Variants in NAV3 observed in about 807,000 individuals in gnomAD.
NAV3 encodes the protein pore membrane and/or filament interacting like protein 1.
NAV3 carries 87 observed loss-of-function variants against 244.7 expected under a neutral mutation model. The ratio of observed to expected loss-of-function variants is 0.36; its 90% CI spans 0.30 to 0.42. The LOEUF is 0.42. Ranked by LOEUF, NAV3 falls within the 20% of genes least tolerant of loss-of-function variation. The pLI is 1.00. For synonymous variants in NAV3, 1,126 were observed against 1,042.2 expected (o/e 1.08, Z -1.55); for missense variants, 2,663 against 2,893.3 (o/e 0.92, Z 1.83).
At chr12:78,192,417 T>TTA (rs1029088332) in intron 34 of NAV3, among the ~76,000 whole-genome samples, 2 of 151,516 alleles carry the variant, frequency 1.3e-5, no homozygotes, top group Non-Finnish European at 2.9e-5. Context: ...TTATTTATTT[T>TTA]TTTTTTGAGA....
Position 78,188,658 on chromosome 12 carries a change from A to C in NAV3, c.5936A>C (p.Asp1979Ala). 6.2e-7 allele frequency: 1 copy of C among 1,612,258 alleles called. No homozygotes were observed. ...TCCACTAGCCTTGGTCTGAGCTCTGACTGCATTGCTAGCTACTGTATAGGA... is the reference window on the plus strand; with the variant it reads ...TCCACTAGCCTTGGTCTGAGCTCTGCCTGCATTGCTAGCTACTGTATAGGA... ...DTSTSLGLSS[D>A]CIASYCIGDL... The change falls in exon 33 of 40, where the codon GAC becomes GCC. Residue 1979 changes from aspartate (D) to alanine (A), a missense_variant. By Grantham distance (126) the Asp-to-Ala change is moderately radical. Coordinates refer to ENST00000397909, the MANE Select transcript of NAV3 (RefSeq NM_001024383.2).
intron 2 of NAV3, among the ~76,000 whole-genome samples, chr12:77,659,874 C>G (rs375533629): frequency 1.3e-5 from 2 of 149,550 alleles, no homozygotes; most frequent in African/African-American, 4.9e-5. Context: ...AAACCAAACA[C>G]AGCATGTTCT....
At chr12:77,698,362 A>G (rs570009908) in intron 2 of NAV3, among the ~76,000 whole-genome samples, 11 of 152,252 alleles carry the variant, frequency 7.2e-5, no homozygotes, top group South Asian at 2.1e-4. Context: ...TATTATTCCA[A>G]TTATATCACC....
chr12:78,199,704 A>G (rs1959432497), intron 37 of NAV3, among the ~76,000 whole-genome samples, 173 bp downstream of exon 37: 1 of 152,062 alleles, frequency 6.6e-6, no homozygotes, highest in Admixed American at 6.6e-5. Flanking sequence ...TCTCCAATTA[A>G]ATCCATTTTG....
chr12:78,109,728 T>A (rs555918666), intron 12 of NAV3, among the ~76,000 whole-genome samples: 21 of 151,294 alleles, frequency 1.4e-4, no homozygotes, highest in East Asian at 1.9e-4. Context: ...CAGAAAAAAA[T>A]TTTTGATAAA....
intron 12 of NAV3, among the ~76,000 whole-genome samples, chr12:78,086,353 T>C (rs1471782056): frequency 6.6e-6 from 1 of 152,118 alleles, no homozygotes; most frequent in South Asian, 2.1e-4. Flanking sequence ...GTCTGGGATA[T>C]GTATTGTTAG....
chr12:78,018,318 A>C (rs1876575805), intron 8 of NAV3, among the ~76,000 whole-genome samples: 1 of 152,192 alleles, frequency 6.6e-6, no homozygotes, highest in African/African-American at 2.4e-5. Flanking sequence ...AGCATGTCTC[A>C]GACAGGGGGA....
chr12:77,762,925 A>C (rs1869557842), intron 2 of NAV3, among the ~76,000 whole-genome samples: 1 of 152,218 alleles, frequency 6.6e-6, no homozygotes, highest in Non-Finnish European at 1.5e-5. Context: ...GTTCCTGCAC[A>C]CAATTGTAAT....
Position 78,210,465 on chromosome 12 carries a change from G to A in NAV3, c.7106G>A (p.Ser2369Asn), listed in dbSNP as rs764074467. The stretch of plus-strand genomic sequence containing the variant: ...AGCACACAAAGCTGCGACAGCGAAA[G>A]CACCAGCCACCATGAAGACATTTTG... Reference protein sequence around the residue: ...YSSTQSCDSESTSHHEDILDS... With the variant: ...YSSTQSCDSENTSHHEDILDS... The change falls in exon 40 of 40, where the codon AGC becomes AAC. Residue 2369 changes from serine (S) to asparagine (N), a missense_variant. By Grantham distance (46) the Ser-to-Asn change is conservative (BLOSUM62 1). Around this residue, in one of 6 missense-constraint regions of NAV3, gnomAD observed 543 missense variants for 672.4 expected, o/e 0.81. Transcript: ENST00000397909. 8.7e-6 allele frequency: 14 copies of A among 1,613,662 alleles called. No individual in the cohort carries two copies. The highest frequency in any genetic ancestry group is 2.2e-5 in the South Asian group (2 of 91,082).
chr12:78,004,383 A>G (rs1468026123), intron 7 of NAV3, among the ~76,000 whole-genome samples: 1 of 152,160 alleles, frequency 6.6e-6, no homozygotes, highest in African/African-American at 2.4e-5. Flanking sequence ...GCAAATTGCT[A>G]TTTGGGGACC....
chr12:77,829,226 A>G (rs1592720807), upstream of NAV3, among the ~76,000 whole-genome samples: 1 of 152,210 alleles, frequency 6.6e-6, no homozygotes, highest in African/African-American at 2.4e-5. Flanking sequence ...ACTGGCTTGG[A>G]GTTTGCCTTC....
chr12:78,184,691 C>T (rs79008003), intron 30 of NAV3, among the ~76,000 whole-genome samples: 11 of 151,616 alleles, frequency 7.3e-5, no homozygotes, highest in African/African-American at 2.7e-4. Context: ...ATGCTATAGT[C>T]GTAATCTTTT....
chr12:77,933,596 G>A (rs1889039119), intron 1 of NAV3, among the ~76,000 whole-genome samples: 1 of 152,104 alleles, frequency 6.6e-6, no homozygotes, highest in African/African-American at 2.4e-5. Flanking sequence ...TGAATATTGA[G>A]GTGAACTATC....
chr12:78,139,634 A>G (rs1475905379), intron 19 of NAV3, among the ~76,000 whole-genome samples: 1 of 152,204 alleles, frequency 6.6e-6, no homozygotes, highest in African/African-American at 2.4e-5. Context: ...AGGAGTATAA[A>G]GCAGAATGTC....
At chr12:77,602,469 T>C (rs1044950035) in intron 2 of NAV3, among the ~76,000 whole-genome samples, 1 of 151,954 alleles carries the variant, frequency 6.6e-6, no homozygotes, top group African/African-American at 2.4e-5. Context: ...GGATTTTGGT[T>C]GTGATAGAGA....
In NAV3 at chr12:78,210,753, C is replaced by T; in HGVS notation, c.*236C>T. On this transcript the variant is annotated 3_prime_UTR_variant, in exon 40 of 40. Coordinates refer to ENST00000397909, the MANE Select transcript of NAV3 (RefSeq NM_001024383.2). ...TTTATATCTGTGGAGTAATAGAAAG[C>T]TCCATTACTCAACTGGAAAGGACCC... 3 of 472,982 alleles carry T rather than the reference C, an allele frequency of 6.3e-6. No individual in the cohort carries two copies. The highest frequency in any genetic ancestry group is 5.4e-5 in the South Asian group (2 of 37,324). The allele number at this position is 472,982 out of a possible 1,614,324, so 29.3% of individuals were successfully genotyped here. A position where few individuals can be genotyped will look rare whatever the true frequency, so the allele number is the denominator to read the frequency against.
intron 12 of NAV3, among the ~76,000 whole-genome samples, chr12:78,084,283 C>T (rs1425159357): frequency 6.6e-6 from 1 of 152,162 alleles, no homozygotes. Context: ...ATCCCAGCTA[C>T]CTCCCTACTG....
chr12:77,921,294 A>G (rs1354518577), intron 1 of NAV3, among the ~76,000 whole-genome samples: 1 of 152,114 alleles, frequency 6.6e-6, no homozygotes, highest in Non-Finnish European at 1.5e-5. Flanking sequence ...AATGTTCCTC[A>G]GTTAAGGCAA....
At chr12:77,638,863 G>A (rs181467311) in intron 2 of NAV3, among the ~76,000 whole-genome samples, 4 of 152,260 alleles carry the variant, frequency 2.6e-5, no homozygotes, top group South Asian at 4.1e-4. Context: ...TGCCTTAAAT[G>A]TGCTTTCTAA....
Sources: gnomAD v4.1 joint callset for allele counts (sites outside exome capture counted in the v4.1 genomes callset) on GRCh38, gnomAD v4.1.1 for gene constraint, gnomAD v4.1.1 regional missense constraint, MANE v1.5 for transcripts, NCBI Gene and HGNC (gene_info 2026-07-23, HGNC 2026-07-21) for gene names.